The following SYNRG variants were observed in gnomAD, a reference collection of about 807,000 sequenced individuals.
The protein encoded by SYNRG is synergin gamma, also known as AP1 gamma subunit binding protein 1.
SYNRG carries 37 observed loss-of-function variants against 130.9 expected under a neutral mutation model. The observed-to-expected ratio is 0.28, with a 90% CI of 0.22 to 0.37. The LOEUF is 0.37. Among genes scored for constraint, SYNRG ranks in the 10% least tolerant of loss-of-function variants. SYNRG has a pLI of 1.00. For missense variants in SYNRG, 1,338 were observed against 1,588.9 expected (o/e 0.84, Z 2.68); for synonymous variants, 539 against 568.1 (o/e 0.95, Z 0.73).
intron 9 of SYNRG, 128 bp downstream of exon 9, chr17:37,571,663 G>T: frequency 1.3e-6 from 1 of 794,904 alleles, no homozygotes; most frequent in Non-Finnish European, 1.9e-6. Flanking sequence ...CATTTTTGAA[G>T]TACTATATCC....
rs909053906 is a variant in SYNRG at position 37,516,193 on chromosome 17, T to G, written c.*2747A>C. The G allele has an allele frequency of 1.3e-5, 2 of 152,192 alleles. No homozygotes were observed. The highest frequency in any genetic ancestry group is 2.9e-5 in the Non-Finnish European group (2 of 68,050). The allele number at this position is 152,192 out of a possible 1,614,324, so 9.4% of individuals were successfully genotyped here. A position where few individuals can be genotyped will look rare whatever the true frequency, so the allele number is the denominator to read the frequency against. Reference sequence around the variant, plus strand: ...TGCACAGTATGGAAATAAGTAACCTTGGCTACAGTTTCCAAGGACACGGGG... The same window carrying G: ...TGCACAGTATGGAAATAAGTAACCTGGGCTACAGTTTCCAAGGACACGGGG... On this transcript the variant is annotated 3_prime_UTR_variant, in exon 22 of 22. Coordinates refer to ENST00000612223, the MANE Select transcript of SYNRG (RefSeq NM_007247.6).
intron 1 of SYNRG, among the ~76,000 whole-genome samples, chr17:37,602,621 T>G (rs1370028236): frequency 6.6e-6 from 1 of 152,220 alleles, no homozygotes; most frequent in African/African-American, 2.4e-5. Context: ...TTAAGTGAGT[T>G]AGTTTCAACA....
rs1440459358 is a variant in SYNRG, at chr17:37,529,551, AAAAAG to A, written c.3666+6423_3666+6427del. 1.3e-3 allele frequency among the ~76,000 whole-genome samples: 192 copies of A among 150,588 alleles called. 1 individual carries two copies. The highest frequency in any genetic ancestry group is 4.5e-3 in the African/African-American group (181 of 40,628). The stretch of plus-strand genomic sequence containing the variant: ...ATATATATTTTACAAAAAAAAAAAA[AAAAAG>A]AAAAGAAAAGGTGTGGAGGGGTGTT... On this transcript the variant is annotated intron_variant, in intron 19 of 21. Coordinates refer to ENST00000612223, the MANE Select transcript of SYNRG (RefSeq NM_007247.6).
At chr17:37,575,251 T>C (rs1415023837) in intron 8 of SYNRG, among the ~76,000 whole-genome samples, 2 of 152,082 alleles carry the variant, frequency 1.3e-5, no homozygotes, top group Admixed American at 1.3e-4. Context: ...CACTACAAGG[T>C]AGCTACAGTC....
At chr17:37,573,161 T>C (rs767683527) in intron 8 of SYNRG, among the ~76,000 whole-genome samples, 5 of 152,098 alleles carry the variant, frequency 3.3e-5, no homozygotes, top group African/African-American at 7.2e-5. Flanking sequence ...CCCAGTGCTT[T>C]GGGATGCTGA....
chr17:37,587,241 G>T (rs369972030), intron 3 of SYNRG, among the ~76,000 whole-genome samples: 2 of 152,236 alleles, frequency 1.3e-5, no homozygotes, highest in African/African-American at 4.8e-5. Context: ...CCAACTCTTG[G>T]GCTCAAGAGA....
chr17:37,548,136 A>G (rs1250214018), intron 14 of SYNRG, among the ~76,000 whole-genome samples: 1 of 152,208 alleles, frequency 6.6e-6, no homozygotes, highest in Admixed American at 6.5e-5. Context: ...GCAGTCCTAC[A>G]TGGACCAATC....
intron 8 of SYNRG, among the ~76,000 whole-genome samples, chr17:37,575,045 G>A (rs1266039668): frequency 1.3e-5 from 2 of 152,014 alleles, no homozygotes; most frequent in Non-Finnish European, 2.9e-5. Flanking sequence ...AATAAGCCAG[G>A]CATAGAAAGA....
intron 19 of SYNRG, among the ~76,000 whole-genome samples, chr17:37,527,628 A>G (rs1462235869): frequency 6.6e-6 from 1 of 152,230 alleles, no homozygotes; most frequent in Non-Finnish European, 1.5e-5. Context: ...AAAAAATCCA[A>G]TACATATAAT....
intron 19 of SYNRG, among the ~76,000 whole-genome samples, chr17:37,533,572 T>C (rs1309893144): frequency 4.0e-5 from 6 of 151,390 alleles, no homozygotes; most frequent in East Asian, 3.8e-4. Context: ...CATTATATTT[T>C]CTTTCTTTTC....
At chr17:37,592,300 C>A (rs1280124651) in intron 3 of SYNRG, among the ~76,000 whole-genome samples, 1 of 152,060 alleles carries the variant, frequency 6.6e-6, no homozygotes, top group Non-Finnish European at 1.5e-5. Flanking sequence ...ACACTAAATG[C>A]AGGTAAGGAT....
intron 14 of SYNRG, among the ~76,000 whole-genome samples, chr17:37,550,936 T>C (rs2058665795): frequency 6.6e-6 from 1 of 152,212 alleles, no homozygotes; most frequent in Non-Finnish European, 1.5e-5. Context: ...TGAAATTATA[T>C]GCAGCAAGGC....
intron 2 of SYNRG, among the ~76,000 whole-genome samples, chr17:37,597,948 T>G (rs2062921908): frequency 6.6e-6 from 1 of 152,264 alleles, no homozygotes; most frequent in South Asian, 2.1e-4. Flanking sequence ...GTTTATCTTA[T>G]GGTTTTTGTG....
intron 10 of SYNRG, among the ~76,000 whole-genome samples, chr17:37,569,958 G>A (rs1206339062): frequency 1.3e-5 from 2 of 152,132 alleles, no homozygotes; most frequent in African/African-American, 4.8e-5. Flanking sequence ...TTACCACTGT[G>A]TGAAGGAATT....
chr17:37,590,893 C>A (rs532958618), intron 3 of SYNRG, among the ~76,000 whole-genome samples: 13 of 152,182 alleles, frequency 8.5e-5, no homozygotes, highest in African/African-American at 3.1e-4. Context: ...GCACTCCAAG[C>A]CTGGGCGACA....
rs1259064743 is a variant in SYNRG at position 37,573,219 on chromosome 17, C to T, written c.902-1232G>A. On this transcript the variant is annotated intron_variant, in intron 8 of 21. Transcript: ENST00000612223. ...GAGTTCGAGACCAGCCTAGCCAATACGGTGAAATCCTGTCTCTACTAAAAA... is the reference window on the plus strand; with the variant it reads ...GAGTTCGAGACCAGCCTAGCCAATATGGTGAAATCCTGTCTCTACTAAAAA... Among the ~76,000 whole-genome samples the T allele has an allele frequency of 4.6e-5, 7 of 151,852 alleles. No individual in the cohort carries two copies. The East Asian group carries it at 7.7e-4, about 17-fold the overall frequency.
intron 11 of SYNRG, among the ~76,000 whole-genome samples, chr17:37,566,601 C>T (rs994377194): frequency 4.0e-5 from 6 of 149,968 alleles, no homozygotes; most frequent in African/African-American, 7.4e-5. Context: ...GCCAAATCCC[C>T]CTCTGTGAGA....
intron 19 of SYNRG, among the ~76,000 whole-genome samples, chr17:37,525,781 C>CAT (rs983049311): frequency 6.6e-6 from 1 of 152,234 alleles, no homozygotes; most frequent in Admixed American, 6.5e-5. Flanking sequence ...GCCTGGCCAA[C>CAT]ATGGTGAAAC....
At chr17:37,570,411 T>C (rs927310407) in intron 10 of SYNRG, among the ~76,000 whole-genome samples, 2 of 152,188 alleles carry the variant, frequency 1.3e-5, no homozygotes, top group African/African-American at 4.8e-5. Flanking sequence ...TACCCTACTT[T>C]TTCAATGACA....
Sources: allele counts gnomAD v4.1 joint callset (sites outside exome capture counted in the v4.1 genomes callset), GRCh38; gene constraint gnomAD v4.1.1; transcripts MANE v1.5; gene names NCBI Gene and HGNC (gene_info 2026-07-23, HGNC 2026-07-21).